Variants in CPSF1 observed in about 807,000 individuals in gnomAD.
CPSF1 encodes the protein cleavage and polyadenylation specific factor 1.
CPSF1 carries 106 observed loss-of-function variants against 175.8 expected under a neutral mutation model. The ratio of observed to expected loss-of-function variants is 0.60; its 90% CI spans 0.52 to 0.71. CPSF1 has a LOEUF of 0.71. Ranked by LOEUF, CPSF1 falls within the 30% of genes least tolerant of loss-of-function variation. The pLI is 0.00. For missense variants in CPSF1, 1,734 were observed against 2,022.9 expected (o/e 0.86, Z 2.74); for synonymous variants, 1,024 against 858.3 (o/e 1.19, Z -3.37).
Position 144,398,146 on chromosome 8 carries a change from G to T in CPSF1, c.1895-14C>A. 7.5e-7 allele frequency: 1 copy of T among 1,337,760 alleles called. No homozygotes were observed. The highest frequency in any genetic ancestry group is 9.7e-7 in the Non-Finnish European group (1 of 1,031,150). The allele number at this position is 1,337,760 out of a possible 1,614,324, so 82.9% of individuals were successfully genotyped here. ...GCAGCTGATTCACTGTAGGCATGGG[G>T]CAGTCAGCATGCGCCTCCCCACCAC... On this transcript the variant is annotated splice_polypyrimidine_tract_variant and intron_variant, in intron 19 of 37. Coordinates refer to ENST00000616140, the MANE Select transcript of CPSF1 (RefSeq NM_013291.3).
rs782171401 is a variant in CPSF1, at chr8:144,394,597, CGGGTGA to C, written c.3567+41_3568-43del. On this transcript the variant is annotated intron_variant, in intron 31 of 37. Transcript: ENST00000616140. ...GGGTGAGCGGGCGCGGACGGGGAGC[CGGGTGA>C]GGGTGAGCCGGGGGACACACGCCGG... 31 of 1,602,000 alleles carry C rather than the reference CGGGTGA, an allele frequency of 1.9e-5. 1 individual carries two copies. The South Asian group carries it at 3.5e-4, about 18-fold the overall frequency.
At chr8:144,401,361 G>A (rs2130774942) in intron 4 of CPSF1, 69 bp downstream of exon 4, 1 of 1,611,278 alleles carries the variant, frequency 6.2e-7, no homozygotes, top group Non-Finnish European at 8.5e-7. Flanking sequence ...GCAACCAACG[G>A]CTGTACCCAG....
At chr8:144,400,135 G>GGGGGGGGGGGGCGCCCCCCCCCCCCCCCC in intron 9 of CPSF1, 31 bp downstream of exon 9, 1 of 896,012 alleles carries the variant, frequency 1.1e-6, no homozygotes, top group Non-Finnish European at 1.6e-6. Flanking sequence ...CCGTCCCCGG[G>GGGGGGGGGGGGCGCCCCCCCCCCCCCCCC]CCCCCCCCGC....
In CPSF1 at chr8:144,401,247, G is replaced by T; in HGVS notation, c.351C>A (p.Thr117=). 6.4e-7 allele frequency: 1 copy of T among 1,551,890 alleles called. No individual in the cohort carries two copies. Residue 117 remains threonine (T), a synonymous_variant, in exon 5 of 38, where the codon ACC becomes ACA. Transcript: ENST00000616140. ...EYDPGTHDLK[T]LSLHYFEEPE... is the part of the protein sequence containing the mutation. ...GCTCCTCAAAGTAGTGCAGTGACAG[G>T]GTCTTCAGGTCATGGGTGCCCGGGT...
In CPSF1 at chr8:144,408,879, G is replaced by A. The variant is rs2116912112; in HGVS notation, c.144+136C>T. The stretch of plus-strand genomic sequence containing the variant: ...CTGAGCACAAGAGATTCAGGGTCAT[G>A]TCCTGGCTCCTCAGGCTGAGGAACG... On this transcript the variant is annotated intron_variant, in intron 2 of 37. Coordinates refer to ENST00000616140, the MANE Select transcript of CPSF1 (RefSeq NM_013291.3). 176 of 1,039,370 alleles carry A rather than the reference G, an allele frequency of 1.7e-4. 1 individual carries two copies. Among genetic ancestry groups the A allele is most frequent in the South Asian group, 6.7e-4 (44 of 65,918 alleles). 64.4% of individuals were successfully genotyped at this position (1,039,370 alleles called of 1,614,324 possible).
chr8:144,396,520 G>A lies in CPSF1; in HGVS notation c.2827-20C>T. Reference sequence around the variant, plus strand: ...GAAGACCTGGGGGCAGGCACCGTGAGGATGCTGTGGATGAGGATGCTGCGG... The same window carrying A: ...GAAGACCTGGGGGCAGGCACCGTGAAGATGCTGTGGATGAGGATGCTGCGG... On this transcript the variant is annotated intron_variant, in intron 25 of 37. Transcript: ENST00000616140. 6.2e-7 allele frequency: 1 copy of A among 1,610,938 alleles called. No homozygotes were observed. The highest frequency in any genetic ancestry group is 8.5e-7 in the Non-Finnish European group (1 of 1,178,324).
In CPSF1 at chr8:144,394,463, GTTC is replaced by G; in HGVS notation, c.3657_3659del (p.Lys1219del). 1 of 1,609,004 alleles carries G rather than the reference GTTC, an allele frequency of 6.2e-7. No homozygotes were observed. Among genetic ancestry groups the G allele is most frequent in the Non-Finnish European group, 8.5e-7 (1 of 1,178,408 alleles). On this transcript the variant is annotated inframe_deletion, in exon 32 of 38. Transcript: ENST00000616140. Reference sequence around the variant, plus strand: ...TCATGACGTCGGCTGCCAGGATGAAGTTCTTGACGCTGATCATCTGGTGTATGT... The same window carrying G: ...TCATGACGTCGGCTGCCAGGATGAAGTTGACGCTGATCATCTGGTGTATGT...
intron 23 of CPSF1, 102 bp downstream of exon 23, chr8:144,397,105 G>T: frequency 8.4e-7 from 1 of 1,190,486 alleles, no homozygotes; most frequent in Non-Finnish European, 1.2e-6. Context: ...GGGCGGGGCC[G>T]TGGGGGAGAT....
At chr8:144,408,449 G>A (rs1299831556) in intron 2 of CPSF1, among the ~76,000 whole-genome samples, 1 of 152,118 alleles carries the variant, frequency 6.6e-6, no homozygotes, top group East Asian at 1.9e-4. Context: ...CCCTTGAGGC[G>A]TGTGCCCCAC....
chr8:144,394,538 C>T lies in CPSF1; in HGVS notation c.3585G>A (p.Leu1195=). The change falls in exon 32 of 38, where the codon CTG becomes CTA. Residue 1195 remains leucine, a synonymous_variant. Coordinates refer to ENST00000616140, the MANE Select transcript of CPSF1 (RefSeq NM_013291.3). Reference sequence around the variant, plus strand: ...CCATGCCCGTCAGCTCGCTGGCCCGCAGGCTCCACAGGAAAATCTGGGGGC... The same window carrying T: ...CCATGCCCGTCAGCTCGCTGGCCCGTAGGCTCCACAGGAAAATCTGGGGGC... ...AIGQKIFLWS[L]RASELTGMAF... is the part of the protein sequence containing the mutation. The T allele has an allele frequency of 1.2e-6, 2 of 1,609,114 alleles. No individual in the cohort carries two copies. Among genetic ancestry groups the T allele is most frequent in the Non-Finnish European group, 1.7e-6 (2 of 1,178,308 alleles).
Position 144,395,200 on chromosome 8 carries a change from G to C in CPSF1, c.3188-18C>G, listed in dbSNP as rs1820638861. ...CCGCTCATCTGTGGGGACCAAGGGT[G>C]ACAGTCAGAGTAGGGCTTCCCCAAG... On this transcript the variant is annotated intron_variant, in intron 28 of 37. Coordinates refer to ENST00000616140, the MANE Select transcript of CPSF1 (RefSeq NM_013291.3). 1 of 1,612,706 alleles carries C rather than the reference G, an allele frequency of 6.2e-7. No individual in the cohort carries two copies.
Position 144,409,082 on chromosome 8 carries a change from CTGT to C in CPSF1, c.74_76del (p.Asn25del). The C allele has an allele frequency of 6.2e-7, 1 of 1,613,898 alleles. No homozygotes were observed. The highest frequency in any genetic ancestry group is 2.2e-5 in the East Asian group (1 of 44,876). The stretch of plus-strand genomic sequence containing the variant: ...CCCGGCCACTACCAGGTTGCGCTCG[CTGT>C]TGTTGAAGAAGTTGCAGTACATGGA... On this transcript the variant is annotated inframe_deletion, in exon 2 of 38. Coordinates refer to ENST00000616140, the MANE Select transcript of CPSF1 (RefSeq NM_013291.3).
Position 144,397,726 on chromosome 8 carries a change from C to G in CPSF1, c.2210+17G>C, listed in dbSNP as rs782026689. 1 of 1,588,106 alleles carries G rather than the reference C, an allele frequency of 6.3e-7. No individual in the cohort carries two copies. The highest frequency in any genetic ancestry group is 8.6e-7 in the Non-Finnish European group (1 of 1,161,326). ...CAGGGACCCAAGCCCCTACCTGCGC[C>G]CCCAGCCCCCACGCACCTAGTCTCT... is the stretch of plus-strand genomic sequence containing the variant. On this transcript the variant is annotated intron_variant, in intron 21 of 37. Coordinates refer to ENST00000616140, the MANE Select transcript of CPSF1 (RefSeq NM_013291.3).
intron 32 of CPSF1, 34 bp downstream of exon 32, chr8:144,394,345 C>T: frequency 6.3e-7 from 1 of 1,588,444 alleles, no homozygotes; most frequent in Non-Finnish European, 8.6e-7. Flanking sequence ...GGCGGGTACC[C>T]ACCCAGACAC....
chr8:144,394,106 C>G lies in CPSF1; in HGVS notation c.3859+7G>C. 1 of 1,612,296 alleles carries G rather than the reference C, an allele frequency of 6.2e-7. No individual in the cohort carries two copies. Among genetic ancestry groups the G allele is most frequent in the Non-Finnish European group, 8.5e-7 (1 of 1,179,500 alleles). ...GCCCAGGCAGAGGGGGTGGAGGAAG[C>G]ACTCACCTTCGGGCAGGTACATGTA... On this transcript the variant is annotated splice_region_variant and intron_variant, in intron 34 of 37. Coordinates refer to ENST00000616140, the MANE Select transcript of CPSF1 (RefSeq NM_013291.3).
chr8:144,398,588 A>G lies in CPSF1; in HGVS notation c.1689T>C (p.Pro563=), dbSNP rs1481961476. ...GTCTGCGGCCGTCGTCGTCTGCTTC[A>G]GGGGTGGTGCTGGGTTCCTGCTCTG... ...EGTEQEPSTT[P]EADDDGRRHG... The change falls in exon 18 of 38, where the codon CCT becomes CCC. Residue 563 remains proline (P), a synonymous_variant. Transcript: ENST00000616140. 1.2e-6 allele frequency: 2 copies of G among 1,613,748 alleles called. No homozygotes were observed. The highest frequency in any genetic ancestry group is 2.7e-5 in the African/African-American group (2 of 74,908).
At chr8:144,408,455 C>T (rs1821617654) in intron 2 of CPSF1, among the ~76,000 whole-genome samples, 1 of 152,190 alleles carries the variant, frequency 6.6e-6, no homozygotes, top group Non-Finnish European at 1.5e-5. Flanking sequence ...AGGCGTGTGC[C>T]CCACTGTACC....
chr8:144,408,276 CA>C (rs1554869710), intron 2 of CPSF1, among the ~76,000 whole-genome samples: 1 of 152,198 alleles, frequency 6.6e-6, no homozygotes, highest in Non-Finnish European at 1.5e-5. Context: ...GGCCTGTGCA[CA>C]GGCTGTTTCT....
rs782463304 is a variant in CPSF1, at chr8:144,396,912, C to T, written c.2610G>A (p.Glu870=). 13 of 1,613,252 alleles carry T rather than the reference C, an allele frequency of 8.1e-6. No homozygotes were observed. The Admixed American group carries it at 1.8e-4, about 23-fold the overall frequency. The change falls in exon 24 of 38, where the codon GAG becomes GAA. Residue 870 remains glutamate, a synonymous_variant. Transcript: ENST00000616140. ...RPYLLVHVDQ[E]LLIYEAFPHD... ...GGGGGAAGGCCTCGTAGATAAGCAG[C>T]TCTTGGTCCACATGCACCTGGCAGG...
Sources: allele counts gnomAD v4.1 joint callset (sites outside exome capture counted in the v4.1 genomes callset), GRCh38; gene constraint gnomAD v4.1.1; transcripts MANE v1.5; gene names NCBI Gene and HGNC (gene_info 2026-07-23, HGNC 2026-07-21).